TJP2: variants seen among roughly 807,000 people sequenced by gnomAD.
The protein encoded by TJP2 is Friedreich ataxia region gene X104 (tight junction protein ZO-2).
In TJP2, 91 loss-of-function variants were observed where a neutral mutation model predicts 133.1. The observed-to-expected ratio is 0.68, with a 90% CI of 0.58 to 0.81. The LOEUF (loss-of-function observed/expected upper bound fraction) is 0.81, where lower values mean the gene tolerates loss of function less well. TJP2 is among the 40% of genes least tolerant of loss of function. The pLI is 0.00. For synonymous variants in TJP2, 592 were observed against 583.4 expected (o/e 1.01, Z -0.21); for missense variants, 1,541 against 1,565.6 (o/e 0.98, Z 0.26).
intron 2 of TJP2, among the ~76,000 whole-genome samples, chr9:69,158,782 C>G (rs944334328): frequency 6.6e-5 from 10 of 152,080 alleles, no homozygotes; most frequent in Non-Finnish European, 1.3e-4. Flanking sequence ...TCCATTTCAT[C>G]TGATAAAATT....
chr9:69,248,537 A>C, intron 19 of TJP2: 4 of 1,275,618 alleles, frequency 3.1e-6, no homozygotes, highest in Non-Finnish European at 3.9e-6. Context: ...CTTCCCATGC[A>C]GTATTGTTGT....
Position 69,216,479 on chromosome 9 carries a change from C to G in TJP2, c.239+16C>G. On this transcript the variant is annotated intron_variant, in intron 3 of 22. Coordinates refer to ENST00000377245, the MANE Select transcript of TJP2 (RefSeq NM_004817.4). ...GGCTGCTCCAGTGAGTGTCCTCCCT[C>G]GCTCCGCAGCCCCTACCAGCCCTAC... 6.2e-7 allele frequency: 1 copy of G among 1,613,864 alleles called. No homozygotes were observed. The highest frequency in any genetic ancestry group is 8.5e-7 in the Non-Finnish European group (1 of 1,179,980).
At chr9:69,132,424 G>T (rs992277845) in intron 1 of TJP2, among the ~76,000 whole-genome samples, 4 of 152,192 alleles carry the variant, frequency 2.6e-5, no homozygotes, top group Non-Finnish European at 4.4e-5. Flanking sequence ...TGGTGGTGGG[G>T]ACCCCTGAAC....
intron 13 of TJP2, 115 bp downstream of exon 13, chr9:69,236,353 C>T (rs1830190789): frequency 1.9e-6 from 2 of 1,029,024 alleles, no homozygotes; most frequent in Middle Eastern, 3.0e-4. Flanking sequence ...CATTACTTGT[C>T]ACCATCTATT....
chr9:69,247,104 G>A (rs538064774), intron 18 of TJP2, among the ~76,000 whole-genome samples: 8 of 152,332 alleles, frequency 5.3e-5, no homozygotes, highest in South Asian at 2.1e-4. Context: ...TACTAAGGAC[G>A]TGGGAAACTT....
rs1822574433 is a variant in TJP2 at position 69,133,219 on chromosome 9, C to A, written c.-131+11494C>A. On this transcript the variant is annotated intron_variant, in intron 1 of 5. Coordinates refer to the TJP2 transcript ENST00000423935. ...TCAAGCAACCCTCCTGCCTCGGCCTCCCAAAGTGCTGGGATTACAGGCATG... is the reference window on the plus strand; with the variant it reads ...TCAAGCAACCCTCCTGCCTCGGCCTACCAAAGTGCTGGGATTACAGGCATG... Among the ~76,000 whole-genome samples the A allele has an allele frequency of 2.0e-5, 3 of 152,226 alleles. No individual in the cohort carries two copies. In the South Asian group the frequency reaches 6.2e-4, roughly 32 times the overall value.
At chr9:69,226,242 T>C (rs1829340732) in intron 7 of TJP2, 67 bp downstream of exon 7, 1 of 1,560,990 alleles carries the variant, frequency 6.4e-7, no homozygotes, top group Admixed American at 1.7e-5. Flanking sequence ...CATTCTTCTA[T>C]TTAGTGTAGC....
chr9:69,179,734 C>T (rs1564407997), intron 1 of TJP2, among the ~76,000 whole-genome samples: 1 of 152,010 alleles, frequency 6.6e-6, no homozygotes, highest in Non-Finnish European at 1.5e-5. Flanking sequence ...CTCCTGACCT[C>T]GTGATCCACC....
At chr9:69,145,903 C>T (rs1823192142) in intron 1 of TJP2, 2 of 795,066 alleles carry the variant, frequency 2.5e-6, no homozygotes, top group Non-Finnish European at 3.4e-6. Context: ...AAAAAGGGTC[C>T]TCTGTCTTGT....
At position 69,133,813 on chromosome 9, in the gene TJP2, C is replaced by T. The variant is rs192976289; in HGVS notation, c.-131+12088C>T. Among the ~76,000 whole-genome samples, 14 of 151,948 alleles carry T rather than the reference C, an allele frequency of 9.2e-5. No individual in the cohort carries two copies. The South Asian group carries it at 2.3e-3, about 25-fold the overall frequency. On this transcript the variant is annotated intron_variant, in intron 1 of 5. Transcript: ENST00000423935. ...TGACCCGCCTGCCTCAGCCTCCCAA[C>T]GTGCTGGGATTACAGATGTGAGCCA... is the stretch of plus-strand genomic sequence containing the variant.
intron 2 of TJP2, among the ~76,000 whole-genome samples, chr9:69,168,926 T>G (rs1454691043): frequency 6.6e-6 from 1 of 150,656 alleles, no homozygotes; most frequent in African/African-American, 2.5e-5. Context: ...GTGGGGTGAT[T>G]ATTGTGGGAG....
intron 2 of TJP2, among the ~76,000 whole-genome samples, chr9:69,156,531 T>C (rs201005234): frequency 8.1e-6 from 1 of 123,522 alleles, no homozygotes. Flanking sequence ...AGATTTTTTT[T>C]TTTTTTTTTT....
Position 69,161,915 on chromosome 9 carries a change from T to C in TJP2, c.-10+10144T>C, listed in dbSNP as rs912946904. On this transcript the variant is annotated intron_variant, in intron 2 of 5. Coordinates refer to the TJP2 transcript ENST00000423935. ...AATACAAAATTAGCCGGCGTGGTGG[T>C]GCATGCCTGTAATTCCAGCTACTTG... Among the ~76,000 whole-genome samples the C allele has an allele frequency of 4.0e-5, 6 of 149,868 alleles. No individual in the cohort carries two copies. The South Asian group carries it at 1.3e-3, about 31-fold the overall frequency.
intron 2 of TJP2, among the ~76,000 whole-genome samples, chr9:69,158,133 T>C (rs7847219): frequency 0.92 from 138,755 of 151,606 alleles, 63,636 homozygotes; most frequent in East Asian, 1. Flanking sequence ...ACCAACATGG[T>C]GAAACCCCAT....
At chr9:69,253,188 G>A (rs1009918796) in intron 22 of TJP2, 11 of 458,924 alleles carry the variant, frequency 2.4e-5, no homozygotes, top group African/African-American at 9.9e-5. Context: ...CACATGGTTA[G>A]CACATGAGCA....
At position 69,226,145 on chromosome 9, in the gene TJP2, T is replaced by C. The variant is rs780626468; in HGVS notation, c.1180T>C (p.Ser394Pro). 1 of 1,614,084 alleles carries C rather than the reference T, an allele frequency of 6.2e-7. No homozygotes were observed. Among genetic ancestry groups the C allele is most frequent in the East Asian group, 2.2e-5 (1 of 44,864 alleles). Residue 394 changes from serine (S) to proline (P), a missense_variant, in exon 7 of 23, where the codon TCA (serine) becomes CCA (proline). Transcript: ENST00000377245. The stretch of plus-strand genomic sequence containing the variant: ...CCAGCAGACCCTCATCAACATCCCG[T>C]CATTAAATGACAGTGACTCAGAAAT... ...DSQQTLINIP[S>P]LNDSDSEIED...
At chr9:69,229,983 T>C (rs1168915001) in intron 10 of TJP2, 99 bp from the exon 11 acceptor site, 47 of 1,457,294 alleles carry the variant, frequency 3.2e-5, no homozygotes, top group Non-Finnish European at 4.4e-5. Context: ...TATAAATCAC[T>C]CTGTAGCTAG....
chr9:69,220,530 C>T (rs1030283733), intron 4 of TJP2, among the ~76,000 whole-genome samples: 4 of 152,230 alleles, frequency 2.6e-5, no homozygotes, highest in Admixed American at 2.6e-4. Flanking sequence ...CTTTATCCGC[C>T]TTTGCCCCCT....
chr9:69,131,768 CT>C (rs1300854209), intron 1 of TJP2, among the ~76,000 whole-genome samples: 1 of 152,156 alleles, frequency 6.6e-6, no homozygotes, highest in Non-Finnish European at 1.5e-5. Flanking sequence ...CTGCTGGCCC[CT>C]GTAGGCCCTG....
Sources: allele counts gnomAD v4.1 joint callset (sites outside exome capture counted in the v4.1 genomes callset), GRCh38; gene constraint gnomAD v4.1.1; transcripts MANE v1.5; gene names NCBI Gene and HGNC (gene_info 2026-07-23, HGNC 2026-07-21).